The following ST7 variants were observed in gnomAD, a reference collection of about 807,000 sequenced individuals.
The protein encoded by ST7 is suppressor of tumorigenicity 7 protein.
Under a neutral mutation model 78.7 loss-of-function variants are expected in ST7, and 28 were observed. The observed-to-expected ratio is 0.36, with a 90% CI of 0.26 to 0.49. The LOEUF is 0.49. ST7 is among the 20% of genes least tolerant of loss of function. The probability of loss-of-function intolerance (pLI) is 0.99; values close to 1 mark genes in which losing one functional copy is unlikely to be tolerated. For missense variants in ST7, 418 were observed against 696.0 expected, an observed-to-expected ratio of 0.60 and a Z score of 4.49; for synonymous variants, 247 against 249.6, an observed-to-expected ratio of 0.99 and a Z score of 0.10.
intron 9 of ST7, among the ~76,000 whole-genome samples, chr7:117,165,597 T>A (rs1807490106): frequency 6.6e-6 from 1 of 152,194 alleles, no homozygotes; most frequent in Admixed American, 6.5e-5. Context: ...TGAGCACCTA[T>A]GATAGGTCGG....
chr7:117,111,204 A>C (rs936412981), intron 2 of ST7, among the ~76,000 whole-genome samples: 7 of 152,180 alleles, frequency 4.6e-5, no homozygotes, highest in African/African-American at 1.7e-4. Flanking sequence ...ATTGAGGTAA[A>C]GGATCAGGTG....
At chr7:116,988,013 C>T (rs1193590012) in intron 1 of ST7, among the ~76,000 whole-genome samples, 1 of 152,250 alleles carries the variant, frequency 6.6e-6, no homozygotes, top group African/African-American at 2.4e-5. Flanking sequence ...AGGCGTGAGC[C>T]ACTGCACCCA....
intron 1 of ST7, among the ~76,000 whole-genome samples, chr7:117,047,585 C>G (rs1439756589): frequency 6.6e-6 from 1 of 152,134 alleles, no homozygotes. Context: ...GCCGTTTATA[C>G]TCTGTGCATT....
At chr7:117,018,849 T>G (rs1486455052) in intron 1 of ST7, among the ~76,000 whole-genome samples, 1 of 152,244 alleles carries the variant, frequency 6.6e-6, no homozygotes, top group Non-Finnish European at 1.5e-5. Flanking sequence ...AGATGATTTG[T>G]TCTTTATCTT....
chr7:116,968,362 CCTT>C (rs1408916857), intron 1 of ST7: 6 of 395,204 alleles, frequency 1.5e-5, no homozygotes, highest in East Asian at 1.6e-4. Context: ...CCTCCTTCTT[CCTT>C]CTTCTTCCTT....
intron 1 of ST7, among the ~76,000 whole-genome samples, chr7:117,082,816 A>G (rs1799884816): frequency 6.6e-6 from 1 of 152,242 alleles, no homozygotes; most frequent in African/African-American, 2.4e-5. Context: ...TAGACATTAC[A>G]TAAACTAACA....
chr7:117,123,707 G>A (rs906770144), intron 3 of ST7, among the ~76,000 whole-genome samples: 4 of 152,056 alleles, frequency 2.6e-5, no homozygotes, highest in Admixed American at 2.0e-4. Context: ...ATTTAAAAGG[G>A]CCCAGTAACA....
intron 1 of ST7, among the ~76,000 whole-genome samples, chr7:117,006,598 T>A (rs1360754626): frequency 2.0e-5 from 3 of 152,258 alleles, no homozygotes; most frequent in South Asian, 4.1e-4. Flanking sequence ...CCTACCAAAC[T>A]TTTATAATTA....
chr7:116,997,561 G>C (rs993250821), intron 1 of ST7, among the ~76,000 whole-genome samples: 4 of 151,972 alleles, frequency 2.6e-5, no homozygotes, highest in Non-Finnish European at 2.9e-5. Flanking sequence ...CCTTGAGCTA[G>C]ACACAGAGTG....
chr7:117,151,986 G>A (rs1339218579), intron 9 of ST7, among the ~76,000 whole-genome samples: 1 of 151,440 alleles, frequency 6.6e-6, no homozygotes, highest in Non-Finnish European at 1.5e-5. Flanking sequence ...CGGTGTGGTG[G>A]CACATGCCTG....
At chr7:117,035,603 G>A (rs1378493835) in intron 1 of ST7, among the ~76,000 whole-genome samples, 1 of 151,852 alleles carries the variant, frequency 6.6e-6, no homozygotes, top group African/African-American at 2.4e-5. Context: ...TTTGATTAAA[G>A]TTTTTTTTAA....
chr7:116,993,903 C>T (rs1794535398), intron 1 of ST7, among the ~76,000 whole-genome samples: 1 of 152,160 alleles, frequency 6.6e-6, no homozygotes. Flanking sequence ...AATAGAAAAG[C>T]AGGTAGCAGA....
At chr7:117,105,907 T>C (rs1369848378) in intron 2 of ST7, among the ~76,000 whole-genome samples, 2 of 152,224 alleles carry the variant, frequency 1.3e-5, no homozygotes, top group African/African-American at 4.8e-5. Flanking sequence ...ACTTTGATCA[T>C]TCATCCCTAA....
chr7:117,030,310 A>C (rs1796409986), intron 1 of ST7, among the ~76,000 whole-genome samples: 1 of 152,234 alleles, frequency 6.6e-6, no homozygotes, highest in African/African-American at 2.4e-5. Flanking sequence ...TCTAGGGAAC[A>C]TATAGTAAAT....
intron 1 of ST7, among the ~76,000 whole-genome samples, chr7:117,047,053 C>T (rs1797528577): frequency 6.6e-6 from 1 of 152,132 alleles, no homozygotes; most frequent in Non-Finnish European, 1.5e-5. Context: ...GCAAAGTTTT[C>T]TGGAGGAGTT....
At chr7:117,131,076 A>C (rs1804309106) in intron 5 of ST7, among the ~76,000 whole-genome samples, 1 of 151,836 alleles carries the variant, frequency 6.6e-6, no homozygotes, top group Non-Finnish European at 1.5e-5. Context: ...TGTGTGTTCC[A>C]TCTGAGAAAA....
chr7:117,094,700 A>T (rs1238453825), intron 1 of ST7, among the ~76,000 whole-genome samples: 1 of 152,204 alleles, frequency 6.6e-6, no homozygotes, highest in Non-Finnish European at 1.5e-5. Context: ...GGACTCTCTC[A>T]GGGCCATCAC....
At chr7:117,113,504 T>C (rs1802601557) in intron 2 of ST7, among the ~76,000 whole-genome samples, 2 of 152,204 alleles carry the variant, frequency 1.3e-5, no homozygotes, top group South Asian at 4.1e-4. Flanking sequence ...TTTTTCTAAT[T>C]GGCCATGGGT....
At chr7:116,976,702 C>T (rs1157961586) in intron 1 of ST7, among the ~76,000 whole-genome samples, 5 of 152,186 alleles carry the variant, frequency 3.3e-5, no homozygotes, top group African/African-American at 9.7e-5. Flanking sequence ...GCAAAGTTAT[C>T]TGGCAATGAT....
Sources: allele counts gnomAD v4.1 joint callset (sites outside exome capture counted in the v4.1 genomes callset), GRCh38; gene constraint gnomAD v4.1.1; transcripts MANE v1.5; gene names NCBI Gene and HGNC (gene_info 2026-07-23, HGNC 2026-07-21).